The following RYR3 variants were observed in gnomAD, a reference collection of about 807,000 sequenced individuals.
RYR3 encodes ryanodine receptor 3, also known as brain ryanodine receptor-calcium release channel.
In RYR3, 207 loss-of-function variants were observed where a neutral mutation model predicts 584.3. The ratio of observed to expected loss-of-function variants is 0.35; its 90% CI spans 0.32 to 0.40. The LOEUF (loss-of-function observed/expected upper bound fraction) is 0.40. Among genes scored for constraint, RYR3 ranks in the 10% least tolerant of loss-of-function variants. The pLI is 1.00. For synonymous variants in RYR3, 2,416 were observed against 2,248.5 expected, an observed-to-expected ratio of 1.07 and a Z score of -2.11; for missense variants, 5,616 against 6,089.2, an observed-to-expected ratio of 0.92 and a Z score of 2.59.
At chr15:33,855,271 C>T (rs2079532271) in intron 98 of RYR3, among the ~76,000 whole-genome samples, 2 of 151,854 alleles carry the variant, frequency 1.3e-5, no homozygotes, top group Non-Finnish European at 2.9e-5. Flanking sequence ...GATCTTGGCT[C>T]ACTGCAACCT....
At chr15:33,359,596 A>T (rs957367940) in intron 1 of RYR3, among the ~76,000 whole-genome samples, 4 of 139,706 alleles carry the variant, frequency 2.9e-5, no homozygotes, top group African/African-American at 1.1e-4. Flanking sequence ...CTGACCCCTT[A>T]TTTATTTATT....
chr15:33,825,818 T>C (rs1247070357), intron 82 of RYR3, 142 bp downstream of exon 82: 2 of 577,160 alleles, frequency 3.5e-6, no homozygotes, highest in East Asian at 6.0e-5. Context: ...CTGCAACCTC[T>C]GTCTCCTGGG....
chr15:33,441,298 T>C lies in RYR3; in HGVS notation c.52-32121T>C, dbSNP rs77737629. Among the ~76,000 whole-genome samples the C allele has an allele frequency of 7.0e-3, 1,063 of 152,336 alleles. 5 individuals are homozygous for C. The highest frequency in any genetic ancestry group is 0.03 in the East Asian group (154 of 5,192). On this transcript the variant is annotated intron_variant, in intron 1 of 103. Transcript: ENST00000634891. ...CATCCTTTTCAGCCACAGTATTAAC[T>C]AATGTCACTTTGATTAAAAAAAAAC... is the stretch of plus-strand genomic sequence containing the variant.
Position 33,311,164 on chromosome 15 carries a change from G to C in RYR3, c.51+68G>C. On this transcript the variant is annotated intron_variant, in intron 1 of 103. Transcript: ENST00000634891. This position sits in a 1 kb window ranked among gnomAD's most constrained non-coding sequence, Gnocchi z 4.4. ...GGAGCGCGGAGCGCGGCGAGGAGGG[G>C]CTGGCTGCGCTGCGCCGCGGTGCCG... 1.6e-6 allele frequency: 2 copies of C among 1,234,320 alleles called. No individual in the cohort carries two copies. Among genetic ancestry groups the C allele is most frequent in the Non-Finnish European group, 2.2e-6 (2 of 914,162 alleles). 76.5% of individuals were successfully genotyped at this position (1,234,320 alleles called of 1,614,324 possible). A position where few individuals can be genotyped will look rare whatever the true frequency, so the allele number is the denominator to read the frequency against.
At chr15:33,380,264 A>G (rs918187484) in intron 1 of RYR3, among the ~76,000 whole-genome samples, 5 of 152,174 alleles carry the variant, frequency 3.3e-5, no homozygotes, top group Non-Finnish European at 7.4e-5. Context: ...GGTAACTCTA[A>G]GGTCCTTTAT....
intron 51 of RYR3, among the ~76,000 whole-genome samples, chr15:33,742,072 A>G (rs540405637): frequency 6.6e-6 from 1 of 152,310 alleles, no homozygotes; most frequent in East Asian, 1.9e-4. Flanking sequence ...TCTAACCAAG[A>G]CAGGTCTGGC....
At chr15:33,560,998 G>T (rs2057371430) in intron 10 of RYR3, among the ~76,000 whole-genome samples, 1 of 151,876 alleles carries the variant, frequency 6.6e-6, no homozygotes, top group Non-Finnish European at 1.5e-5. Flanking sequence ...TACTAATATT[G>T]CTCCAAGTGA....
rs781084865 is a variant in RYR3, at chr15:33,603,210, C to A, written c.2010C>A (p.Asp670Glu). Residue 670 changes from aspartate (D) to glutamate (E), a missense_variant, in exon 18 of 104, where the codon GAC becomes GAA. Asp to Glu is a conservative substitution (Grantham distance 45, BLOSUM62 2). Coordinates refer to ENST00000634891, the MANE Select transcript of RYR3 (RefSeq NM_001036.6). ...WYFELIIDQVDPFLTAEPTHL... is the reference protein window; with the variant it reads ...WYFELIIDQVEPFLTAEPTHL... ...TCGAGCTGATTATCGACCAGGTGGA[C>A]CCCTTCCTAACAGCAGAGCCCACAC... 1.2e-6 allele frequency: 2 copies of A among 1,613,798 alleles called. No homozygotes were observed. Among genetic ancestry groups the A allele is most frequent in the Non-Finnish European group, 1.7e-6 (2 of 1,179,862 alleles).
chr15:33,783,575 T>C (rs1363470679), intron 65 of RYR3, among the ~76,000 whole-genome samples: 1 of 152,210 alleles, frequency 6.6e-6, no homozygotes, highest in Admixed American at 6.5e-5. Flanking sequence ...GGGCAAAAAG[T>C]GTTCATGATG....
At chr15:33,710,339 CTTTTTTTTTT>C (rs58909445) in intron 43 of RYR3, among the ~76,000 whole-genome samples, 1 of 112,464 alleles carries the variant, frequency 8.9e-6, no homozygotes, top group African/African-American at 3.6e-5. Context: ...GTGCCATACA[CTTTTTTTTTT>C]TTTTTTTTTT....
At chr15:33,706,544 C>A (rs903611556) in intron 42 of RYR3, among the ~76,000 whole-genome samples, 34 of 152,178 alleles carry the variant, frequency 2.2e-4, no homozygotes, top group Non-Finnish European at 3.8e-4. Flanking sequence ...ATGTTCTTCA[C>A]GTTGTAGCAT....
intron 27 of RYR3, among the ~76,000 whole-genome samples, chr15:33,637,431 C>T (rs2061555834): frequency 6.6e-6 from 1 of 152,260 alleles, no homozygotes; most frequent in African/African-American, 2.4e-5. Flanking sequence ...GCACTGTTTC[C>T]TCCTCACGGA....
chr15:33,573,555 GAA>G (rs2058144223), intron 12 of RYR3, among the ~76,000 whole-genome samples: 1 of 152,314 alleles, frequency 6.6e-6, no homozygotes, highest in Middle Eastern at 3.4e-3. Context: ...CTCTGCTGAG[GAA>G]AAGATACTGT....
At chr15:33,776,536 T>C (rs1017335131) in intron 64 of RYR3, among the ~76,000 whole-genome samples, 2 of 152,240 alleles carry the variant, frequency 1.3e-5, no homozygotes, top group Non-Finnish European at 2.9e-5. Flanking sequence ...GTTTCTTTCA[T>C]CCTGTCTGGC....
chr15:33,367,899 A>T (rs1281352852), intron 1 of RYR3, among the ~76,000 whole-genome samples: 2 of 152,228 alleles, frequency 1.3e-5, no homozygotes, highest in African/African-American at 4.8e-5. Flanking sequence ...GAGATAACTT[A>T]CTTACATAAA....
intron 10 of RYR3, among the ~76,000 whole-genome samples, chr15:33,558,066 G>C (rs2057184215): frequency 6.6e-6 from 1 of 151,826 alleles, no homozygotes; most frequent in South Asian, 2.1e-4. Flanking sequence ...AGAAATCCCA[G>C]TTTTTTTTCT....
At chr15:33,751,421 G>A (rs563560127) in intron 57 of RYR3, among the ~76,000 whole-genome samples, 22 of 152,004 alleles carry the variant, frequency 1.4e-4, no homozygotes, top group African/African-American at 3.9e-4. Flanking sequence ...TTTAATGATC[G>A]CCATTCTAAC....
chr15:33,811,151 G>C lies in RYR3; in HGVS notation c.10257+114G>C, dbSNP rs1567220583. ...TTATATGTGTTCCAAAAACAGTTTG[G>C]GGGTATTTGTGTTTAATTGGTAGGA... On this transcript the variant is annotated intron_variant, in intron 72 of 103. Coordinates refer to ENST00000634891, the MANE Select transcript of RYR3 (RefSeq NM_001036.6). 5.5e-6 allele frequency: 5 copies of C among 905,210 alleles called. No homozygotes were observed. In the East Asian group the frequency reaches 1.1e-4, roughly 19 times the overall value. 56.1% of individuals were successfully genotyped at this position (905,210 alleles called of 1,614,324 possible).
intron 53 of RYR3, among the ~76,000 whole-genome samples, 189 bp downstream of exon 53, chr15:33,746,346 C>G (rs2070714850): frequency 6.6e-6 from 1 of 152,244 alleles, no homozygotes; most frequent in African/African-American, 2.4e-5. Context: ...CCCAGCCTCA[C>G]TTTCTGTTCT....
Sources: allele counts gnomAD v4.1 joint callset (sites outside exome capture counted in the v4.1 genomes callset), GRCh38; gene constraint gnomAD v4.1.1; non-coding constraint Gnocchi (gnomAD v3.1); transcripts MANE v1.5; gene names NCBI Gene and HGNC (gene_info 2026-07-23, HGNC 2026-07-21).